The following PIP5K1B variants were observed in gnomAD, a reference collection of about 807,000 sequenced individuals.
The protein encoded by PIP5K1B is phosphatidylinositol 4-phosphate 5-kinase type-1 beta.
In PIP5K1B, 42 loss-of-function variants were observed where a neutral mutation model predicts 67.0. That is an observed-to-expected ratio of 0.63 (90% CI 0.49 to 0.81). The LOEUF is 0.81. PIP5K1B is among the 30% of genes least tolerant of loss of function. PIP5K1B has a pLI of 0.00. For synonymous variants in PIP5K1B, 214 were observed against 231.4 expected, an observed-to-expected ratio of 0.92 and a Z score of 0.68; for missense variants, 459 against 646.3, an observed-to-expected ratio of 0.71 and a Z score of 3.14.
At chr9:68,790,611 T>C (rs1339597480) in intron 2 of PIP5K1B, among the ~76,000 whole-genome samples, 2 of 142,492 alleles carry the variant, frequency 1.4e-5, no homozygotes, top group Non-Finnish European at 3.1e-5. Flanking sequence ...CACACACACA[T>C]ACACACACGC....
chr9:68,976,298 C>G (rs1375021627), intron 14 of PIP5K1B, among the ~76,000 whole-genome samples: 2 of 152,146 alleles, frequency 1.3e-5, no homozygotes, highest in African/African-American at 4.8e-5. Context: ...TTCCAGTATG[C>G]CACTCTGATC....
At chr9:68,869,863 C>G (rs778016032) in intron 5 of PIP5K1B, among the ~76,000 whole-genome samples, 1 of 152,114 alleles carries the variant, frequency 6.6e-6, no homozygotes, top group Non-Finnish European at 1.5e-5. Context: ...ATTACCAACT[C>G]CTGATCTATA....
intron 14 of PIP5K1B, among the ~76,000 whole-genome samples, chr9:68,972,370 TGAA>T (rs1416468076): frequency 7.2e-5 from 11 of 152,316 alleles, no homozygotes; most frequent in Middle Eastern, 6.8e-3. Flanking sequence ...ACCAGTACCA[TGAA>T]GAACAGCCAT....
At chr9:68,916,746 C>T (rs1826115040) in intron 8 of PIP5K1B, among the ~76,000 whole-genome samples, 3 of 151,952 alleles carry the variant, frequency 2.0e-5, no homozygotes, top group Non-Finnish European at 4.4e-5. Context: ...GTGGCGGGCA[C>T]CTGTAATACC....
chr9:68,919,618 C>A (rs1587666636), intron 10 of PIP5K1B, 56 bp downstream of exon 10: 2 of 1,411,882 alleles, frequency 1.4e-6, no homozygotes, highest in South Asian at 1.2e-5. Flanking sequence ...ACAAAAGGTT[C>A]TGAAAAATCA....
At chr9:68,716,151 T>C (rs774732474) in intron 1 of PIP5K1B, among the ~76,000 whole-genome samples, 1 of 152,206 alleles carries the variant, frequency 6.6e-6, no homozygotes, top group Admixed American at 6.5e-5. Context: ...ATGGGAATGA[T>C]TATTTAGAGG....
chr9:68,904,681 G>C (rs12684346), intron 8 of PIP5K1B, among the ~76,000 whole-genome samples: 9,885 of 151,898 alleles, frequency 0.065, 637 homozygotes, highest in East Asian at 0.37. Context: ...AATGTGTGAC[G>C]TTGAATCCTG....
At chr9:68,827,653 T>C (rs112712125) in intron 4 of PIP5K1B, among the ~76,000 whole-genome samples, 5 of 152,158 alleles carry the variant, frequency 3.3e-5, no homozygotes, top group African/African-American at 1.2e-4. Flanking sequence ...AGCAACAAAG[T>C]TGGGTGCAAA....
intron 15 of PIP5K1B, among the ~76,000 whole-genome samples, chr9:69,002,453 GT>G (rs1199448175): frequency 6.6e-6 from 1 of 152,154 alleles, no homozygotes; most frequent in Non-Finnish European, 1.5e-5. Flanking sequence ...ACTAGCACGT[GT>G]ATTTGTTTCC....
chr9:68,834,245 T>C (rs1302693507), intron 4 of PIP5K1B, among the ~76,000 whole-genome samples: 3 of 152,202 alleles, frequency 2.0e-5, no homozygotes, highest in African/African-American at 7.2e-5. Flanking sequence ...CGCACCTAAC[T>C]GCGGCCGCAC....
intron 2 of PIP5K1B, chr9:68,789,497 A>C (rs1379342663): frequency 1.9e-5 from 10 of 521,254 alleles, no homozygotes; most frequent in South Asian, 7.2e-5. Context: ...GGTGGTAAAC[A>C]CTTAAGAGAC....
At chr9:68,947,372 T>C (rs137885336) in intron 14 of PIP5K1B, among the ~76,000 whole-genome samples, 1 of 152,046 alleles carries the variant, frequency 6.6e-6, no homozygotes, top group Middle Eastern at 3.2e-3. Flanking sequence ...TGCCCTGAAA[T>C]GGAAGAAAGA....
At chr9:68,749,749 G>A (rs913597312) in intron 2 of PIP5K1B, among the ~76,000 whole-genome samples, 2 of 152,196 alleles carry the variant, frequency 1.3e-5, no homozygotes, top group East Asian at 1.9e-4. Flanking sequence ...GTTGTGGGGC[G>A]GTCCTCTGCC....
At chr9:68,714,757 C>G (rs1564083553) in intron 1 of PIP5K1B, among the ~76,000 whole-genome samples, 1 of 152,176 alleles carries the variant, frequency 6.6e-6, no homozygotes, top group Non-Finnish European at 1.5e-5. Flanking sequence ...GAGGCAGGTT[C>G]ATAACTACAG....
chr9:68,829,502 C>G (rs920536470), intron 4 of PIP5K1B, among the ~76,000 whole-genome samples: 1 of 152,180 alleles, frequency 6.6e-6, no homozygotes, highest in Non-Finnish European at 1.5e-5. Context: ...AAAGTGAGGG[C>G]TGGCGCTACT....
intron 2 of PIP5K1B, among the ~76,000 whole-genome samples, chr9:68,763,683 T>C (rs1194637424): frequency 1.3e-5 from 2 of 152,168 alleles, no homozygotes; most frequent in African/African-American, 4.8e-5. Flanking sequence ...ACCCCATGAA[T>C]TGATGCATAC....
chr9:68,715,490 C>T (rs939926384), intron 1 of PIP5K1B, among the ~76,000 whole-genome samples: 1 of 152,140 alleles, frequency 6.6e-6, no homozygotes, highest in African/African-American at 2.4e-5. Context: ...ATCGGTCGAC[C>T]ACGCTTCAGG....
chr9:68,956,755 G>A (rs10781293), intron 14 of PIP5K1B, among the ~76,000 whole-genome samples: 95,960 of 152,078 alleles, frequency 0.63, 33,670 homozygotes, highest in Non-Finnish European at 0.78. Context: ...AGGTAAGTAT[G>A]GCTTAAACTA....
chr9:68,718,295 A>T (rs555369928), intron 1 of PIP5K1B, among the ~76,000 whole-genome samples: 2 of 152,232 alleles, frequency 1.3e-5, no homozygotes, highest in Non-Finnish European at 2.9e-5. Context: ...CAATCATCAA[A>T]CATGGCCTTT....
Sources: gnomAD v4.1 joint callset for allele counts (sites outside exome capture counted in the v4.1 genomes callset) on GRCh38, gnomAD v4.1.1 for gene constraint, MANE v1.5 for transcripts, NCBI Gene and HGNC (gene_info 2026-07-23, HGNC 2026-07-21) for gene names.